The following PHTF2 variants were observed in gnomAD, a reference collection of about 807,000 sequenced individuals.
PHTF2 encodes putative homeodomain transcription factor 2.
In PHTF2, 60 loss-of-function variants were observed where a neutral mutation model predicts 101.2. The observed-to-expected ratio is 0.59, with a 90% CI of 0.48 to 0.73. PHTF2 has a LOEUF of 0.73. Ranked by LOEUF, PHTF2 falls within the 30% of genes least tolerant of loss-of-function variation. The probability of loss-of-function intolerance (pLI) is 0.00; values close to 1 mark genes in which losing one functional copy is unlikely to be tolerated. For missense variants in PHTF2, 747 were observed against 908.7 expected, an observed-to-expected ratio of 0.82 and a Z score of 2.29; for synonymous variants, 311 against 307.3, an observed-to-expected ratio of 1.01 and a Z score of -0.13.
chr7:77,913,393 A>G (rs1802594059), intron 9 of PHTF2, among the ~76,000 whole-genome samples: 1 of 152,006 alleles, frequency 6.6e-6, no homozygotes, highest in Non-Finnish European at 1.5e-5. Context: ...GTCTGAAAAA[A>G]AAAAAAAAAA....
chr7:77,901,854 C>G (rs534841738), exon 7 of PHTF2: 2 of 1,601,314 alleles, frequency 1.2e-6, no homozygotes, highest in African/African-American at 1.3e-5. Flanking sequence ...CTTTTTCTTC[C>G]GGTGGTGGTT....
intron 11 of PHTF2, chr7:77,923,088 C>T: frequency 9.6e-7 from 1 of 1,039,976 alleles, no homozygotes; most frequent in Non-Finnish European, 1.2e-6. Context: ...TCACTTTTTC[C>T]ACAATTTGAA....
intron 1 of PHTF2, among the ~76,000 whole-genome samples, chr7:77,823,121 G>A (rs1484832557): frequency 6.6e-6 from 1 of 151,842 alleles, no homozygotes; most frequent in African/African-American, 2.4e-5. Context: ...AGCCAGGATG[G>A]TCTCAATCTC....
chr7:77,921,851 C>T (rs772823640), intron 10 of PHTF2, among the ~76,000 whole-genome samples: 11 of 151,944 alleles, frequency 7.2e-5, no homozygotes, highest in Non-Finnish European at 1.5e-4. Context: ...TGTTGTCTGA[C>T]GTGCGCACAT....
At chr7:77,800,726 T>C (rs2150450898) in intron 1 of PHTF2, among the ~76,000 whole-genome samples, 1 of 152,346 alleles carries the variant, frequency 6.6e-6, no homozygotes, top group Admixed American at 6.5e-5. Flanking sequence ...ATTTAGGGTG[T>C]CATGTGGATA....
chr7:77,930,036 C>A (rs1039515224), intron 12 of PHTF2, among the ~76,000 whole-genome samples: 7 of 150,578 alleles, frequency 4.6e-5, no homozygotes, highest in South Asian at 4.2e-4. Flanking sequence ...TCACTGCAAC[C>A]TTCGCCTCCC....
chr7:77,897,231 A>G (rs1800950316), intron 5 of PHTF2, among the ~76,000 whole-genome samples: 1 of 151,534 alleles, frequency 6.6e-6, no homozygotes. Flanking sequence ...CTAGATATTA[A>G]CAATACACAG....
chr7:77,855,933 A>C (rs956107961), intron 3 of PHTF2, among the ~76,000 whole-genome samples: 9 of 152,218 alleles, frequency 5.9e-5, no homozygotes, highest in Admixed American at 4.6e-4. Flanking sequence ...ATAAGGGTTA[A>C]AACAAAGTAC....
intron 14 of PHTF2, 64 bp downstream of exon 13, chr7:77,940,366 C>A: frequency 7.1e-7 from 1 of 1,414,074 alleles, no homozygotes; most frequent in Non-Finnish European, 9.6e-7. Flanking sequence ...AAAAGTATTC[C>A]TGAAGTACTT....
At chr7:77,908,940 C>T (rs750163685) in exon 8 of PHTF2, 3 of 1,602,216 alleles carry the variant, frequency 1.9e-6, no homozygotes, top group Non-Finnish European at 2.6e-6. Context: ...CCTCTAAGTA[C>T]AGGGGGTAAA....
At chr7:77,930,361 A>C (rs780899942) in intron 12 of PHTF2, among the ~76,000 whole-genome samples, 4 of 152,110 alleles carry the variant, frequency 2.6e-5, no homozygotes, top group African/African-American at 7.2e-5. Context: ...CAATACCTCA[A>C]ATTTAACCAG....
chr7:77,893,669 G>A lies in PHTF2; in HGVS notation c.204+5G>A. 8.0e-7 allele frequency: 1 copy of A among 1,246,254 alleles called. No homozygotes were observed. Among genetic ancestry groups the A allele is most frequent in the Non-Finnish European group, 1.2e-6 (1 of 863,642 alleles). The allele number at this position is 1,246,254 out of a possible 1,614,324, so 77.2% of individuals were successfully genotyped here. ...GTTGAACAGAGAGAAATCAAGGTAA[G>A]GAGTTTATTTCATTTTGTTTATTTT... is the stretch of plus-strand genomic sequence containing the variant. On this transcript the variant is annotated splice_donor_5th_base_variant and intron_variant, in intron 4 of 19. Coordinates refer to ENST00000416283, the Ensembl canonical transcript of PHTF2.
At position 77,940,031 on chromosome 7, in the gene PHTF2, TGAAC is replaced by T; in HGVS notation, c.1470_1473del (p.Asn491AlafsTer6). The T allele has an allele frequency of 2.5e-6, 4 of 1,597,832 alleles. No individual in the cohort carries two copies. Among genetic ancestry groups the T allele is most frequent in the Non-Finnish European group, 3.4e-6 (4 of 1,171,516 alleles). ...CTCTCTTCCCCTGGCTCCCTCAAGG[TGAAC>T]AGCCATATACCAGGAATAGGATACC... On this transcript the variant is annotated frameshift_variant and splice_region_variant, in exon 14 of 20. Coordinates refer to ENST00000416283, the Ensembl canonical transcript of PHTF2. LOFTEE classifies it high-confidence loss of function.
At position 77,884,886 on chromosome 7, in the gene PHTF2, G is replaced by A. The variant is rs562298203; in HGVS notation, c.148-8722G>A. Among the ~76,000 whole-genome samples, 118 of 150,538 alleles carry A rather than the reference G, an allele frequency of 7.8e-4. No homozygotes were observed. The South Asian group carries it at 0.017, about 21-fold the overall frequency. Reference sequence around the variant, plus strand: ...TGCACTCCAGCCTGGGTGACAAAGCGAGACTTCGTCTCAAAATAAATAAAT... The same window carrying A: ...TGCACTCCAGCCTGGGTGACAAAGCAAGACTTCGTCTCAAAATAAATAAAT... On this transcript the variant is annotated intron_variant, in intron 3 of 19. Coordinates refer to ENST00000416283, the Ensembl canonical transcript of PHTF2.
intron 11 of PHTF2, among the ~76,000 whole-genome samples, chr7:77,925,760 T>C (rs1803935341): frequency 6.6e-6 from 1 of 152,106 alleles, no homozygotes; most frequent in African/African-American, 2.4e-5. Flanking sequence ...GTTTTAAATG[T>C]ATAAAATGAC....
chr7:77,913,233 C>G (rs961655569), intron 9 of PHTF2, among the ~76,000 whole-genome samples: 1 of 151,662 alleles, frequency 6.6e-6, no homozygotes, highest in African/African-American at 2.4e-5. Context: ...ACTAAAAATA[C>G]AAAAATTAGC....
chr7:77,915,374 G>T (rs909840648), intron 9 of PHTF2, among the ~76,000 whole-genome samples: 8 of 151,808 alleles, frequency 5.3e-5, no homozygotes, highest in Non-Finnish European at 8.8e-5. Flanking sequence ...CCCACGCCCA[G>T]CTAATTTTTG....
intron 3 of PHTF2, among the ~76,000 whole-genome samples, chr7:77,880,149 T>C (rs1348392095): frequency 1.3e-5 from 2 of 152,208 alleles, no homozygotes; most frequent in Non-Finnish European, 2.9e-5. Flanking sequence ...CAAAAGTATG[T>C]TCTCACATTA....
chr7:77,863,331 A>C (rs932374852), intron 3 of PHTF2, among the ~76,000 whole-genome samples: 18 of 152,232 alleles, frequency 1.2e-4, no homozygotes, highest in African/African-American at 3.6e-4. Flanking sequence ...CTTCTTTTAC[A>C]GCTTTGGGGA....
Sources: gnomAD v4.1 joint callset for allele counts (sites outside exome capture counted in the v4.1 genomes callset) on GRCh38, gnomAD v4.1.1 for gene constraint, MANE v1.5 for transcripts, NCBI Gene and HGNC (gene_info 2026-07-23, HGNC 2026-07-21) for gene names.